RANBP2: variants seen among roughly 807,000 people sequenced by gnomAD.
RANBP2 encodes the protein E3 SUMO-protein ligase RanBP2.
A neutral mutation model predicts 303.6 loss-of-function variants in RANBP2; 57 were observed. That is an observed-to-expected ratio of 0.19 (90% CI 0.15 to 0.23). The LOEUF (loss-of-function observed/expected upper bound fraction) is 0.23, where lower values mean the gene tolerates loss of function less well. RANBP2 is among the 10% of genes least tolerant of loss of function. The probability of loss-of-function intolerance (pLI) is 1.00; values close to 1 mark genes in which losing one functional copy is unlikely to be tolerated. For synonymous variants in RANBP2, 1,167 were observed against 1,301.5 expected (o/e 0.90, Z 2.23); for missense variants, 3,138 against 3,780.8 (o/e 0.83, Z 4.46).
chr2:109,371,470 T>G, the RANBP2 span: 27 of 765,616 alleles, frequency 3.5e-5, no homozygotes, highest in Non-Finnish European at 5.6e-5. Flanking sequence ...GCACTCTTCT[T>G]GAACTCATTC....
At chr2:108,936,430 A>G in the RANBP2 span, among the ~76,000 whole-genome samples, 1 of 152,094 alleles carries the variant, frequency 6.6e-6, no homozygotes, top group African/African-American at 2.4e-5. Flanking sequence ...GGCGGGAGGC[A>G]AGGTGCTGGC....
At chr2:109,279,133 A>G in the RANBP2 span, among the ~76,000 whole-genome samples, 133 of 152,256 alleles carry the variant, frequency 8.7e-4, no homozygotes, top group African/African-American at 3.0e-3. Flanking sequence ...AAAACCATCC[A>G]TGGGATATTG....
chr2:109,416,440 A>C, the RANBP2 span, among the ~76,000 whole-genome samples: 1 of 152,150 alleles, frequency 6.6e-6, no homozygotes, highest in Non-Finnish European at 1.5e-5. Flanking sequence ...TCTACTAAAA[A>C]TACAAAATAT....
chr2:109,370,222 T>C, the RANBP2 span, among the ~76,000 whole-genome samples: 2 of 140,568 alleles, frequency 1.4e-5, no homozygotes, highest in African/African-American at 6.4e-5. Flanking sequence ...TCTGTCTCTG[T>C]CTCTGTCTCT....
At chr2:109,641,321 C>T in the RANBP2 span, among the ~76,000 whole-genome samples, 1 of 151,990 alleles carries the variant, frequency 6.6e-6, no homozygotes, top group African/African-American at 2.4e-5. Context: ...CATTATTATT[C>T]GCAGTAACTA....
the RANBP2 span, among the ~76,000 whole-genome samples, chr2:108,838,923 G>A: frequency 6.6e-6 from 1 of 151,980 alleles, no homozygotes; most frequent in Non-Finnish European, 1.5e-5. Flanking sequence ...AATCATTTAA[G>A]GTTCATAGAG....
At chr2:109,048,440 CATTAT>C in the RANBP2 span, among the ~76,000 whole-genome samples, 1 of 152,120 alleles carries the variant, frequency 6.6e-6, no homozygotes, top group African/African-American at 2.4e-5. Context: ...TCTTTATCTA[CATTAT>C]ATTCATGATA....
chr2:109,463,158 T>C, the RANBP2 span, among the ~76,000 whole-genome samples: 1 of 152,238 alleles, frequency 6.6e-6, no homozygotes, highest in African/African-American at 2.4e-5. Flanking sequence ...ATTCAAGTTA[T>C]ACTTCTGTTC....
chr2:109,389,830 G>A, the RANBP2 span, among the ~76,000 whole-genome samples: 1 of 152,058 alleles, frequency 6.6e-6, no homozygotes, highest in East Asian at 1.9e-4. Context: ...TGATGGGGGT[G>A]CACTGTCAGA....
At chr2:108,719,733 C>T (rs1694061586) in intron 1 of RANBP2, 55 bp downstream of exon 1, 1 of 1,551,622 alleles carries the variant, frequency 6.4e-7, no homozygotes, top group Non-Finnish European at 8.7e-7. Context: ...GGCGGCCTCG[C>T]GCTGCTCAGG....
the RANBP2 span, among the ~76,000 whole-genome samples, chr2:108,959,927 T>C: frequency 3.9e-5 from 6 of 152,318 alleles, no homozygotes; most frequent in South Asian, 1.0e-3. Flanking sequence ...ACATTCTCCA[T>C]CCTAGACCAT....
the RANBP2 span, among the ~76,000 whole-genome samples, chr2:109,425,931 T>C: frequency 6.6e-5 from 10 of 152,182 alleles, no homozygotes; most frequent in African/African-American, 2.4e-4. Context: ...GGAGTTTCAC[T>C]CTGTCGTCCA....
chr2:109,421,438 T>G, the RANBP2 span, among the ~76,000 whole-genome samples: 5 of 152,226 alleles, frequency 3.3e-5, no homozygotes, highest in Non-Finnish European at 5.9e-5. Flanking sequence ...CCAAGAAGGC[T>G]TCTCTGTCCT....
At chr2:109,410,401 CCTCGGTGCGGAGGGCCCCTGCAGCT>C in the RANBP2 span, among the ~76,000 whole-genome samples, 1 of 152,220 alleles carries the variant, frequency 6.6e-6, no homozygotes, top group South Asian at 2.1e-4. Context: ...CCAGCCCTGA[CCTCGGTGCGGAGGGCCCCTGCAGCT>C]CCGTGCACCC....
At chr2:109,186,500 T>C in the RANBP2 span, among the ~76,000 whole-genome samples, 1 of 152,228 alleles carries the variant, frequency 6.6e-6, no homozygotes, top group Admixed American at 6.5e-5. Flanking sequence ...AATGAAAGCA[T>C]GTAGGGCCAG....
chr2:109,778,789 AAGTGATTCTC>A, the RANBP2 span, among the ~76,000 whole-genome samples: 1 of 135,208 alleles, frequency 7.4e-6, no homozygotes, highest in Non-Finnish European at 1.6e-5. Flanking sequence ...TCCCAGGTTC[AAGTGATTCTC>A]CTGCCTCAGC....
At chr2:109,112,790 C>T in the RANBP2 span, among the ~76,000 whole-genome samples, 1 of 152,032 alleles carries the variant, frequency 6.6e-6, no homozygotes, top group Non-Finnish European at 1.5e-5. Context: ...GTCTTTAATC[C>T]ATCTTGAATT....
the RANBP2 span, among the ~76,000 whole-genome samples, chr2:108,987,482 T>C: frequency 1 from 151,645 of 152,372 alleles, 75,467 homozygotes; most frequent in Middle Eastern, 1. Flanking sequence ...GCCCCTGACA[T>C]GTCTGTGCTT....
chr2:109,059,379 T>C, the RANBP2 span, among the ~76,000 whole-genome samples: 1 of 151,986 alleles, frequency 6.6e-6, no homozygotes, highest in East Asian at 1.9e-4. Flanking sequence ...ACCAAGACCA[T>C]CCTGGCTAAC....
Sources: gnomAD v4.1 joint callset for allele counts (sites outside exome capture counted in the v4.1 genomes callset) on GRCh38, gnomAD v4.1.1 for gene constraint, MANE v1.5 for transcripts, NCBI Gene and HGNC (gene_info 2026-07-23, HGNC 2026-07-21) for gene names.